Variants in MLLT6 observed in about 807,000 individuals in gnomAD.
The protein encoded by MLLT6 is protein AF-17.
A neutral mutation model predicts 103.0 loss-of-function variants in MLLT6; 22 were observed. That is an observed-to-expected ratio of 0.21 (90% CI 0.15 to 0.31). The LOEUF is 0.31. MLLT6 is among the 10% of genes least tolerant of loss of function. The pLI, the probability that MLLT6 is intolerant of heterozygous loss-of-function variation, is 1.00. For missense variants in MLLT6, 1,199 were observed against 1,441.7 expected, an observed-to-expected ratio of 0.83 and a Z score of 2.73; for synonymous variants, 606 against 623.5, an observed-to-expected ratio of 0.97 and a Z score of 0.42.
chr17:38,729,779 A>C lies in MLLT6; in HGVS notation c.*4181A>C, dbSNP rs1481746565. On this transcript the variant is annotated 3_prime_UTR_variant, in exon 20 of 20. Transcript: ENST00000621332. ...TTCTTTTAATAAAAGAATGTTTTGCAAAAAAAAAAAAAAAAATCCGAAGAG... is the reference window on the plus strand; with the variant it reads ...TTCTTTTAATAAAAGAATGTTTTGCCAAAAAAAAAAAAAAAATCCGAAGAG... 2.3e-5 allele frequency: 3 copies of C among 127,758 alleles called. No homozygotes were observed. The highest frequency in any genetic ancestry group is 6.7e-5 in the African/African-American group (2 of 29,952). The allele number at this position is 127,758 out of a possible 1,614,324, so 7.9% of individuals were successfully genotyped here. A position where few individuals can be genotyped will look rare whatever the true frequency, so the allele number is the denominator to read the frequency against.
chr17:38,710,583 A>T (rs1905111647), intron 6 of MLLT6, among the ~76,000 whole-genome samples: 1 of 152,050 alleles, frequency 6.6e-6, no homozygotes, highest in African/African-American at 2.4e-5. Flanking sequence ...GACTTGCCTA[A>T]TCGTGGGAGT....
intron 19 of MLLT6, 58 bp downstream of exon 19, chr17:38,725,034 T>C: frequency 1.6e-6 from 2 of 1,227,168 alleles, no homozygotes; most frequent in African/African-American, 3.1e-5. Flanking sequence ...TAGAGATGGA[T>C]TGTCAGAAGG....
At chr17:38,707,348 C>T in intron 2 of MLLT6, 138 bp from the exon 3 acceptor site, 1 of 742,688 alleles carries the variant, frequency 1.3e-6, no homozygotes, top group Non-Finnish European at 2.3e-6. Context: ...GTTACCAACT[C>T]ATGGCCAATC....
In MLLT6 at chr17:38,709,208, C is replaced by T; in HGVS notation, c.390C>T (p.Ser130=). The T allele has an allele frequency of 1.2e-6, 2 of 1,612,000 alleles. No homozygotes were observed. Among genetic ancestry groups the T allele is most frequent in the Non-Finnish European group, 1.7e-6 (2 of 1,179,288 alleles). Residue 130 remains serine (S), a synonymous_variant, in exon 5 of 20, where the codon AGC becomes AGT. Transcript: ENST00000621332. The surrounding 1 kb of genome is among the most constrained non-coding windows in gnomAD (Gnocchi z 4.3). ...TCTGCGAGGAGCAGGGCCGGGAGAG[C>T]AAGGCGGCCTCGGGAGCCTGCATGA... ...CYICEEQGRE[S]KAASGACMTC... is the part of the protein sequence containing the mutation.
chr17:38,720,332 C>T (rs771022578), intron 14 of MLLT6, 40 bp from the exon 15 acceptor site: 4 of 1,420,944 alleles, frequency 2.8e-6, no homozygotes, highest in Middle Eastern at 2.4e-4. Context: ...CCCGCCTCCG[C>T]CCCCTCGCCC....
At position 38,705,678 on chromosome 17, in the gene MLLT6, G is replaced by A; in HGVS notation, c.46G>A (p.Gly16Ser). ...CTGCTGCGTATGTTCGGACGAGAGG[G>A]GCTGGGCCGAGAACCCGCTGGTCTA... is the stretch of plus-strand genomic sequence containing the variant. ...GGCCVCSDERGWAENPLVYCD... is the reference protein window; with the variant it reads ...GGCCVCSDERSWAENPLVYCD... The change falls in exon 1 of 20, where the codon GGC (glycine) becomes AGC (serine). Residue 16 changes from glycine to serine, a missense_variant. Around this residue, in one of 7 missense-constraint regions of MLLT6, gnomAD observed 24 missense variants for 38.7 expected, o/e 0.62. Transcript: ENST00000621332. 2 of 1,571,130 alleles carry A rather than the reference G, an allele frequency of 1.3e-6. No homozygotes were observed. The highest frequency in any genetic ancestry group is 1.7e-6 in the Non-Finnish European group (2 of 1,157,476).
At chr17:38,707,618 G>GTGGA in intron 3 of MLLT6, 78 bp downstream of exon 3, 1 of 1,484,148 alleles carries the variant, frequency 6.7e-7, no homozygotes, top group South Asian at 1.1e-5. Context: ...CTGAGTTGGG[G>GTGGA]TGGAGGCCGG....
At chr17:38,725,220 G>C in intron 19 of MLLT6, 2 of 531,502 alleles carry the variant, frequency 3.8e-6, no homozygotes, top group Non-Finnish European at 6.6e-6. Context: ...GCCTTCCTCC[G>C]GGAGGACCAA....
chr17:38,715,464 G>T, intron 8 of MLLT6, 148 bp from the exon 9 acceptor site: 1 of 1,365,988 alleles, frequency 7.3e-7, no homozygotes, highest in Admixed American at 3.0e-5. Flanking sequence ...GGAGCTCCTG[G>T]CCACTCCCTG....
chr17:38,715,751 G>C lies in MLLT6; in HGVS notation c.959G>C (p.Gly320Ala), dbSNP rs766269406. 2 of 1,614,068 alleles carry C rather than the reference G, an allele frequency of 1.2e-6. No homozygotes were observed. The highest frequency in any genetic ancestry group is 8.5e-7 in the Non-Finnish European group (1 of 1,179,968). The change falls in exon 9 of 20, where the codon GGT becomes GCT. Residue 320 changes from glycine to alanine, a missense_variant. Around this residue, in one of 7 missense-constraint regions of MLLT6, gnomAD observed 1,034 missense variants for 1,091.5 expected, o/e 0.95. Coordinates refer to ENST00000621332, the MANE Select transcript of MLLT6 (RefSeq NM_005937.4). ...GGGAAGAAACTGAGCAGTGGGAAAG[G>C]TGTGAGCAGTTTTACCTCCGCCTCC... ...HKGKKLSSGK[G>A]VSSFTSASSS...
rs376427357 is a variant in MLLT6 at position 38,707,788 on chromosome 17, C to T, written c.270C>T (p.Leu90=). 3.3e-5 allele frequency: 53 copies of T among 1,613,350 alleles called. No homozygotes were observed. Among genetic ancestry groups the T allele is most frequent in the Non-Finnish European group, 4.5e-5 (53 of 1,179,536 alleles). ...NGGWAHVVCA[L]YIPEVQFANV... is the part of the protein sequence containing the mutation. Reference sequence around the variant, plus strand: ...GCTGGGCACACGTGGTGTGTGCCCTCTACATCCCCGAGGTGCAATTTGCCA... The same window carrying T: ...GCTGGGCACACGTGGTGTGTGCCCTTTACATCCCCGAGGTGCAATTTGCCA... The change falls in exon 4 of 20, where the codon CTC becomes CTT. Residue 90 remains leucine, a synonymous_variant. Transcript: ENST00000621332.
intron 18 of MLLT6, among the ~76,000 whole-genome samples, chr17:38,723,061 T>C (rs1281048350): frequency 6.6e-6 from 1 of 152,144 alleles, no homozygotes; most frequent in Non-Finnish European, 1.5e-5. Context: ...AGCATTTCAG[T>C]CCCAGCCCCA....
intron 2 of MLLT6, 34 bp from the exon 3 acceptor site, chr17:38,707,452 A>AT: frequency 6.2e-7 from 1 of 1,611,802 alleles, no homozygotes; most frequent in Non-Finnish European, 8.5e-7. Context: ...AGCTCAGCAG[A>AT]TCCCCCAACC....
At chr17:38,719,410 G>A (rs1436509279) in intron 12 of MLLT6, 107 bp from the exon 13 acceptor site, 47 of 1,024,180 alleles carry the variant, frequency 4.6e-5, no homozygotes, top group Non-Finnish European at 5.9e-6. Flanking sequence ...GGGATTCCTG[G>A]GGAAAGGGAT....
At chr17:38,706,111 C>T (rs1171049794) in intron 1 of MLLT6, 1 of 153,190 alleles carries the variant, frequency 6.5e-6, no homozygotes, top group East Asian at 1.9e-4. Context: ...AGGAAGAGGT[C>T]AAGGGGGGGG....
At chr17:38,705,850 C>T (rs1904888809) in intron 1 of MLLT6, 109 bp downstream of exon 1, 1 of 337,906 alleles carries the variant, frequency 3.0e-6, no homozygotes, top group South Asian at 1.3e-4. Flanking sequence ...CCCTCCCCCA[C>T]CCCACCTGAA....
intron 6 of MLLT6, among the ~76,000 whole-genome samples, chr17:38,710,786 CT>C (rs1420279850): frequency 6.6e-6 from 1 of 152,028 alleles, no homozygotes; most frequent in Non-Finnish European, 1.5e-5. Context: ...ATTAGTTCCC[CT>C]GTTTCATTTT....
rs867818949 is a variant in MLLT6 at position 38,719,886 on chromosome 17, G to T, written c.2146G>T (p.Gly716Cys). 7.0e-6 allele frequency: 11 copies of T among 1,581,724 alleles called. No homozygotes were observed. Among genetic ancestry groups the T allele is most frequent in the East Asian group, 4.6e-5 (2 of 43,354 alleles). The change falls in exon 14 of 20, where the codon GGC (glycine) becomes TGC (cysteine). Residue 716 changes from glycine to cysteine, a missense_variant. This residue lies in a region of MLLT6 where 1,034 missense variants were observed against 1,091.5 expected (regional missense o/e 0.95). Coordinates refer to ENST00000621332, the MANE Select transcript of MLLT6 (RefSeq NM_005937.4). ...LLEKQGDGEAGVNIVEMLKAL... is the reference protein window; with the variant it reads ...LLEKQGDGEACVNIVEMLKAL... ...GGAGAAGCAGGGCGACGGGGAGGCCGGCGTCAACAGTGAGGAGGGGTGGCG... is the reference window on the plus strand; with the variant it reads ...GGAGAAGCAGGGCGACGGGGAGGCCTGCGTCAACAGTGAGGAGGGGTGGCG...
At chr17:38,720,331 GC>G (rs745606004) in intron 14 of MLLT6, 40 bp from the exon 15 acceptor site, 218 of 108,420 alleles carry the variant, frequency 2.0e-3, no homozygotes, top group African/African-American at 0.015. Context: ...CCCCGCCTCC[GC>G]CCCCTCGCCC....
Sources: allele counts gnomAD v4.1 joint callset (sites outside exome capture counted in the v4.1 genomes callset), GRCh38; gene constraint gnomAD v4.1.1; regional missense constraint gnomAD v4.1.1; non-coding constraint Gnocchi (gnomAD v3.1); transcripts MANE v1.5; gene names NCBI Gene and HGNC (gene_info 2026-07-23, HGNC 2026-07-21).